Variants in NCOA3 observed in about 807,000 individuals in gnomAD.
NCOA3 encodes the protein nuclear receptor coactivator 3.
Under a neutral mutation model 158.8 loss-of-function variants are expected in NCOA3, and 51 were observed. The ratio of observed to expected loss-of-function variants is 0.32; its 90% CI spans 0.26 to 0.41. The LOEUF (loss-of-function observed/expected upper bound fraction) is 0.41. NCOA3 is among the 10% of genes least tolerant of loss of function. The pLI, the probability that NCOA3 is intolerant of heterozygous loss-of-function variation, is 1.00. For synonymous variants in NCOA3, 537 were observed against 592.4 expected (o/e 0.91, Z 1.36); for missense variants, 1,510 against 1,746.6 (o/e 0.86, Z 2.41).
At chr20:47,541,803 A>G (rs1268157826) in intron 1 of NCOA3, among the ~76,000 whole-genome samples, 4 of 152,068 alleles carry the variant, frequency 2.6e-5, no homozygotes, top group African/African-American at 9.7e-5. Context: ...ACATCTAGAA[A>G]ACCTGCATTA....
chr20:47,595,673 CTT>C (rs200632844), intron 2 of NCOA3, among the ~76,000 whole-genome samples: 2 of 139,224 alleles, frequency 1.4e-5, no homozygotes, highest in Admixed American at 7.2e-5. Context: ...TGACATAAGG[CTT>C]TTTTTTTTTT....
chr20:47,651,758 G>T (rs917309287), intron 20 of NCOA3, among the ~76,000 whole-genome samples: 8 of 151,780 alleles, frequency 5.3e-5, no homozygotes, highest in South Asian at 4.2e-4. Context: ...TCTGCCTCCC[G>T]GGTTCAAGTG....
intron 5 of NCOA3, among the ~76,000 whole-genome samples, chr20:47,626,026 A>G (rs998078040): frequency 6.6e-6 from 1 of 152,218 alleles, no homozygotes; most frequent in Non-Finnish European, 1.5e-5. Context: ...AGATTTTGCT[A>G]TCTTTGGGAG....
At chr20:47,571,714 CT>C (rs911246026) in intron 1 of NCOA3, among the ~76,000 whole-genome samples, 4 of 151,910 alleles carry the variant, frequency 2.6e-5, no homozygotes, top group Admixed American at 1.3e-4. Flanking sequence ...CAGTGTAATT[CT>C]TTTTTTCTTT....
At position 47,535,940 on chromosome 20, in the gene NCOA3, C is replaced by T. The variant is rs549187904; in HGVS notation, c.-99+33921C>T. ...AGCTGGACTCTACTCCGACCACCCC[C>T]TATCAAATTCTGCATCAACTTAAAT... On this transcript the variant is annotated intron_variant, in intron 1 of 22. Coordinates refer to ENST00000371998, the MANE Select transcript of NCOA3 (RefSeq NM_181659.3). Among the ~76,000 whole-genome samples the T allele has an allele frequency of 1.4e-4, 22 of 152,254 alleles. No individual in the cohort carries two copies. The South Asian group carries it at 4.6e-3, about 32-fold the overall frequency.
intron 1 of NCOA3, among the ~76,000 whole-genome samples, chr20:47,549,591 A>G (rs959271295): frequency 6.8e-6 from 1 of 147,274 alleles, no homozygotes; most frequent in Non-Finnish European, 1.5e-5. Flanking sequence ...AGTCTTCTGT[A>G]TTTTGTATAA....
intron 2 of NCOA3, among the ~76,000 whole-genome samples, chr20:47,589,732 A>G (rs1418824700): frequency 6.6e-6 from 1 of 152,076 alleles, no homozygotes; most frequent in East Asian, 1.9e-4. Context: ...TAGGAAACAA[A>G]TACAATACCC....
chr20:47,634,125 A>G lies in NCOA3; in HGVS notation c.1042A>G (p.Lys348Glu). 1 of 1,614,206 alleles carries G rather than the reference A, an allele frequency of 6.2e-7. No homozygotes were observed. The highest frequency in any genetic ancestry group is 8.5e-7 in the Non-Finnish European group (1 of 1,180,038). ...ADGTIVTAQT[K>E]SKLFRNPVTN... ...TGGAACTATAGTGACTGCACAGACA[A>G]AAAGCAAACTCTTCCGAAATCCTGT... The change falls in exon 10 of 23, where the codon AAA (lysine) becomes GAA (glutamate). Residue 348 changes from lysine to glutamate, a missense_variant. Transcript: ENST00000371998.
chr20:47,577,373 T>C (rs983055754), intron 1 of NCOA3, among the ~76,000 whole-genome samples: 1 of 152,208 alleles, frequency 6.6e-6, no homozygotes, highest in African/African-American at 2.4e-5. Context: ...CCTCCCCCTT[T>C]GGCTGAGATA....
At chr20:47,507,134 T>A (rs1465442326) in intron 1 of NCOA3, among the ~76,000 whole-genome samples, 1 of 152,330 alleles carries the variant, frequency 6.6e-6, no homozygotes, top group Middle Eastern at 3.4e-3. Flanking sequence ...ATAAGCCTTA[T>A]GGTTAATTGA....
chr20:47,647,917 TTG>T (rs765617899), intron 18 of NCOA3, among the ~76,000 whole-genome samples: 17,915 of 141,778 alleles, frequency 0.13, 1,356 homozygotes, highest in Middle Eastern at 0.18. Context: ...TTGTTTTGTT[TTG>T]TTTTTTTTTT....
chr20:47,595,808 G>A (rs1257793144), intron 2 of NCOA3, among the ~76,000 whole-genome samples: 2 of 152,040 alleles, frequency 1.3e-5, no homozygotes, highest in African/African-American at 2.4e-5. Flanking sequence ...CGATGTCTCA[G>A]TGTTTTCAAG....
At position 47,635,388 on chromosome 20, in the gene NCOA3, A is replaced by G; in HGVS notation, c.1179A>G (p.Gly393=). Residue 393 remains glycine (G), a synonymous_variant, in exon 11 of 23, where the codon GGA becomes GGG. Coordinates refer to ENST00000371998, the MANE Select transcript of NCOA3 (RefSeq NM_181659.3). The stretch of plus-strand genomic sequence containing the variant: ...AAGGGATTAGACCACCTATGGCTGG[A>G]TGCAACAGTTCGGTAGGCGGCATGA... ...VGQGIRPPMA[G]CNSSVGGMSM... The G allele has an allele frequency of 6.2e-7, 1 of 1,614,114 alleles. No homozygotes were observed. The highest frequency in any genetic ancestry group is 8.5e-7 in the Non-Finnish European group (1 of 1,179,964).
chr20:47,627,888 T>C (rs1295423207), intron 7 of NCOA3, 34 bp from the exon 8 acceptor site: 1 of 1,598,204 alleles, frequency 6.3e-7, no homozygotes. Flanking sequence ...AAAAGTTAAG[T>C]ATAATCCTTA....
At chr20:47,560,714 C>T (rs1008136055) in intron 1 of NCOA3, among the ~76,000 whole-genome samples, 8 of 152,090 alleles carry the variant, frequency 5.3e-5, no homozygotes, top group Non-Finnish European at 7.3e-5. Context: ...TTTAGTCCAT[C>T]TTTTAACTAG....
intron 1 of NCOA3, among the ~76,000 whole-genome samples, chr20:47,577,851 C>T (rs1460081788): frequency 6.6e-6 from 1 of 152,296 alleles, no homozygotes; most frequent in East Asian, 1.9e-4. Flanking sequence ...CCGTATAGAA[C>T]TAAATGTTTA....
chr20:47,532,110 T>TTGTGTGTGTGTGTGTGTGTGTG lies in NCOA3; in HGVS notation c.-99+30099_-99+30120dup, dbSNP rs11474538. ...AAAATAAAACTTTGTAGGGGGGGAC[T>TTGTGTGTGTGTGTGTGTGTGTG]TGTGTGTGTGTGTGTGTGTGTGTGT... is the stretch of plus-strand genomic sequence containing the variant. On this transcript the variant is annotated intron_variant, in intron 1 of 22. Coordinates refer to ENST00000371998, the MANE Select transcript of NCOA3 (RefSeq NM_181659.3). Among the ~76,000 whole-genome samples, 662 of 147,492 alleles carry TTGTGTGTGTGTGTGTGTGTGTG rather than the reference T, an allele frequency of 4.5e-3. 3 individuals carry two copies. The highest frequency in any genetic ancestry group is 0.015 in the African/African-American group (594 of 39,336).
chr20:47,603,932 T>C (rs1568718735), intron 2 of NCOA3, among the ~76,000 whole-genome samples: 1 of 152,224 alleles, frequency 6.6e-6, no homozygotes, highest in Non-Finnish European at 1.5e-5. Context: ...TGTTCTCATT[T>C]AGGGTCATGG....
intron 1 of NCOA3, among the ~76,000 whole-genome samples, chr20:47,565,005 G>A (rs1449491173): frequency 2.6e-5 from 4 of 151,774 alleles, no homozygotes; most frequent in African/African-American, 4.8e-5. Context: ...TTTTTAGAAG[G>A]AGTTTTACAC....
Sources: allele counts gnomAD v4.1 joint callset (sites outside exome capture counted in the v4.1 genomes callset), GRCh38; gene constraint gnomAD v4.1.1; transcripts MANE v1.5; gene names NCBI Gene and HGNC (gene_info 2026-07-23, HGNC 2026-07-21).